Variants in NCAM1 observed in about 807,000 individuals in gnomAD.
The protein encoded by NCAM1 is neural cell adhesion molecule 1.
A neutral mutation model predicts 109.8 loss-of-function variants in NCAM1; 14 were observed. The observed-to-expected ratio is 0.13, with a 90% CI of 0.08 to 0.20. The LOEUF (loss-of-function observed/expected upper bound fraction) is 0.20, where lower values mean the gene tolerates loss of function less well. Among genes scored for constraint, NCAM1 ranks in the 10% least tolerant of loss-of-function variants. NCAM1 has a pLI of 1.00. For missense variants in NCAM1, 774 were observed against 1,109.9 expected (o/e 0.70, Z 4.30); for synonymous variants, 418 against 442.9 (o/e 0.94, Z 0.70).
intron 1 of NCAM1, among the ~76,000 whole-genome samples, chr11:113,165,914 G>A (rs781869683): frequency 6.6e-6 from 1 of 151,642 alleles, no homozygotes; most frequent in Non-Finnish European, 1.5e-5. Flanking sequence ...CCGGGTTCAT[G>A]CCATTCTCCT....
intron 14 of NCAM1, among the ~76,000 whole-genome samples, chr11:113,235,863 G>C (rs1555118185): frequency 6.6e-6 from 1 of 152,078 alleles, no homozygotes; most frequent in African/African-American, 2.4e-5. Flanking sequence ...CTTCCCACCA[G>C]CAGCCAGGCT....
chr11:113,056,012 T>A (rs1555082515), intron 1 of NCAM1, among the ~76,000 whole-genome samples: 9 of 104,304 alleles, frequency 8.6e-5, no homozygotes, highest in East Asian at 3.2e-4. Flanking sequence ...TATATATATA[T>A]ATATATATAT....
At chr11:113,189,449 C>CAAAAAAAAA (rs10712434) in intron 1 of NCAM1, among the ~76,000 whole-genome samples, 2 of 118,022 alleles carry the variant, frequency 1.7e-5, no homozygotes, top group Non-Finnish European at 3.6e-5. Context: ...GATTCTGTCT[C>CAAAAAAAAA]AAAAAAAAAA....
intron 1 of NCAM1, among the ~76,000 whole-genome samples, chr11:113,030,419 G>GA (rs1181108900): frequency 3.3e-5 from 5 of 152,074 alleles, no homozygotes; most frequent in African/African-American, 1.2e-4. Flanking sequence ...AGCAGTCTAA[G>GA]AAAAAAGATG....
rs190215568 is a variant in NCAM1, at chr11:112,985,012, G to A, written c.52+23348G>A. Among the ~76,000 whole-genome samples the A allele has an allele frequency of 4.0e-5, 6 of 151,692 alleles. No individual in the cohort carries two copies. In the East Asian group the frequency reaches 1.2e-3, roughly 29 times the overall value. On this transcript the variant is annotated intron_variant, in intron 1 of 19. Transcript: ENST00000316851. Reference sequence around the variant, plus strand: ...GCTTTTCCCCTGTATTTCCTTCTAAGAGTTTTATAGCTCCAGGTCTTTAAT... The same window carrying A: ...GCTTTTCCCCTGTATTTCCTTCTAAAAGTTTTATAGCTCCAGGTCTTTAAT...
intron 15 of NCAM1, among the ~76,000 whole-genome samples, chr11:113,252,499 C>G (rs942084115): frequency 6.6e-6 from 1 of 150,768 alleles, no homozygotes; most frequent in African/African-American, 2.4e-5. Flanking sequence ...TTAGTTTTTT[C>G]ATTTGGCAAA....
intron 1 of NCAM1, among the ~76,000 whole-genome samples, chr11:113,136,196 C>T (rs1326547444): frequency 1.3e-5 from 2 of 152,136 alleles, no homozygotes; most frequent in African/African-American, 2.4e-5. Flanking sequence ...AAGAATGGGA[C>T]TGCTGAGAAA....
chr11:113,068,619 G>A lies in NCAM1; in HGVS notation c.52+106955G>A, dbSNP rs12272878. Among the ~76,000 whole-genome samples the A allele has an allele frequency of 1.4e-3, 211 of 152,212 alleles. 2 individuals are homozygous for A. Among genetic ancestry groups the A allele is most frequent in the African/African-American group, 4.2e-3 (176 of 41,516 alleles). On this transcript the variant is annotated intron_variant, in intron 1 of 19. Transcript: ENST00000316851. ...TATAAATTCCTGTGATTAATTCCAC[G>A]GTCTAATCCTTGCTCTATCTCTAGT...
At chr11:113,095,469 T>C (rs562846335) in intron 1 of NCAM1, among the ~76,000 whole-genome samples, 1 of 152,302 alleles carries the variant, frequency 6.6e-6, no homozygotes, top group South Asian at 2.1e-4. Context: ...TGCTTGGATG[T>C]GGTTCTTTTA....
At chr11:113,227,662 A>T (rs895728008) in intron 9 of NCAM1, among the ~76,000 whole-genome samples, 5 of 152,248 alleles carry the variant, frequency 3.3e-5, no homozygotes, top group African/African-American at 4.8e-5. Context: ...TCCCTGATGA[A>T]CATCGATGCA....
intron 14 of NCAM1, chr11:113,240,766 C>T (rs1565523228): frequency 6.2e-7 from 1 of 1,611,968 alleles, no homozygotes; most frequent in South Asian, 1.1e-5. Context: ...TTTTCCCCAC[C>T]TTCATTTTTC....
At chr11:113,075,893 GCCAAT>G (rs1555086020) in intron 1 of NCAM1, among the ~76,000 whole-genome samples, 5 of 152,102 alleles carry the variant, frequency 3.3e-5, no homozygotes. Context: ...ATCATCCTTG[GCCAAT>G]GGCCTGTGCT....
chr11:113,038,092 C>G (rs535680528), intron 1 of NCAM1, among the ~76,000 whole-genome samples: 69 of 152,320 alleles, frequency 4.5e-4, no homozygotes, highest in Admixed American at 1.2e-3. Context: ...TCTTGTCAGT[C>G]CCTCCATCTG....
At chr11:113,268,351 G>A (rs1591474568) in intron 17 of NCAM1, among the ~76,000 whole-genome samples, 1 of 152,214 alleles carries the variant, frequency 6.6e-6, no homozygotes, top group South Asian at 2.1e-4. Flanking sequence ...CCAGAGCTGG[G>A]TTCTCCAAGC....
At chr11:113,063,060 A>G (rs1290865896) in intron 1 of NCAM1, among the ~76,000 whole-genome samples, 3 of 152,248 alleles carry the variant, frequency 2.0e-5, no homozygotes, top group African/African-American at 4.8e-5. Flanking sequence ...AATGTCATAA[A>G]GAATCTTGCA....
At chr11:113,048,198 G>A (rs1214905805) in intron 1 of NCAM1, among the ~76,000 whole-genome samples, 1 of 152,182 alleles carries the variant, frequency 6.6e-6, no homozygotes, top group Non-Finnish European at 1.5e-5. Flanking sequence ...AAATATTGAG[G>A]AGGGAAATAG....
At chr11:113,049,111 AG>A (rs1953372932) in intron 1 of NCAM1, among the ~76,000 whole-genome samples, 1 of 152,120 alleles carries the variant, frequency 6.6e-6, no homozygotes, top group South Asian at 2.1e-4. Context: ...TCATGGGTAC[AG>A]GGTTTTCTTT....
At chr11:113,265,829 G>A (rs782127390) in intron 17 of NCAM1, among the ~76,000 whole-genome samples, 8 of 152,178 alleles carry the variant, frequency 5.3e-5, no homozygotes, top group Non-Finnish European at 1.0e-4. Flanking sequence ...CAAGGACTCA[G>A]GCCCATCTGG....
At chr11:112,964,773 A>G (rs2134455655) in intron 1 of NCAM1, among the ~76,000 whole-genome samples, 1 of 152,354 alleles carries the variant, frequency 6.6e-6, no homozygotes, top group East Asian at 1.9e-4. Flanking sequence ...AACCCTAGAA[A>G]GATTATTTTC....
Sources: allele counts gnomAD v4.1 joint callset (sites outside exome capture counted in the v4.1 genomes callset), GRCh38; gene constraint gnomAD v4.1.1; transcripts MANE v1.5; gene names NCBI Gene and HGNC (gene_info 2026-07-23, HGNC 2026-07-21).